MAP2K5: variants seen among roughly 807,000 people sequenced by gnomAD.
The protein encoded by MAP2K5 is dual specificity mitogen-activated protein kinase kinase 5.
In MAP2K5, 49 loss-of-function variants were observed where a neutral mutation model predicts 83.1. The ratio of observed to expected loss-of-function variants is 0.59; its 90% CI spans 0.47 to 0.75. MAP2K5 has a LOEUF of 0.75. MAP2K5 is among the 30% of genes least tolerant of loss of function. The pLI, the probability that MAP2K5 is intolerant of heterozygous loss-of-function variation, is 0.00. For synonymous variants in MAP2K5, 202 were observed against 191.8 expected (o/e 1.05, Z -0.44); for missense variants, 457 against 557.5 (o/e 0.82, Z 1.82).
intron 2 of MAP2K5, among the ~76,000 whole-genome samples, chr15:67,553,636 G>A (rs542685919): frequency 2.0e-5 from 3 of 152,112 alleles, no homozygotes; most frequent in South Asian, 2.1e-4. Context: ...AGTTGAGGCC[G>A]GGCGTGGTGG....
chr15:67,787,170 CT>C (rs1279443225), intron 21 of MAP2K5, among the ~76,000 whole-genome samples: 1 of 152,226 alleles, frequency 6.6e-6, no homozygotes, highest in Non-Finnish European at 1.5e-5. Flanking sequence ...CCGCCTGCCC[CT>C]GGTGGGCCAG....
At chr15:67,628,726 G>A in intron 8 of MAP2K5, 1 of 785,108 alleles carries the variant, frequency 1.3e-6, no homozygotes, top group South Asian at 1.3e-5. Flanking sequence ...AGCAAGAGAT[G>A]GCTAATGCTT....
chr15:67,542,721 TCGCCGCTACCGCCGTCGCCGC>T lies in MAP2K5; in HGVS notation c.-608_-588del, dbSNP rs67999453. Reference sequence around the variant, plus strand: ...CGCCGCCGCCTTCCTCCTCCTCCTCTCGCCGCTACCGCCGTCGCCGCCGCCGCAGCCGCCGCCAGTCCGCGC... The same window carrying T: ...CGCCGCCGCCTTCCTCCTCCTCCTCTCGCCGCAGCCGCCGCCAGTCCGCGC... On this transcript the variant is annotated 5_prime_UTR_variant, in exon 1 of 22. Coordinates refer to ENST00000178640, the MANE Select transcript of MAP2K5 (RefSeq NM_145160.3). The T allele has an allele frequency of 0.22, 33,356 of 154,712 alleles. 4,834 individuals are homozygous for T. The highest frequency in any genetic ancestry group is 0.5 in the East Asian group (2,585 of 5,216). The allele number at this position is 154,712 out of a possible 1,614,324, so 9.6% of individuals were successfully genotyped here. A position where few individuals can be genotyped will look rare whatever the true frequency, so the allele number is the denominator to read the frequency against.
At chr15:67,679,306 T>C (rs765786548) in intron 13 of MAP2K5, among the ~76,000 whole-genome samples, 4 of 152,172 alleles carry the variant, frequency 2.6e-5, no homozygotes, top group Non-Finnish European at 5.9e-5. Flanking sequence ...AAGATACAGT[T>C]TCCTGCGTGA....
intron 19 of MAP2K5, among the ~76,000 whole-genome samples, chr15:67,759,892 T>C (rs2089916908): frequency 6.6e-6 from 1 of 152,244 alleles, no homozygotes; most frequent in African/African-American, 2.4e-5. Flanking sequence ...ACTGAGGCAT[T>C]AGAAACTCAG....
At chr15:67,706,707 AC>A (rs1255860925) in intron 16 of MAP2K5, among the ~76,000 whole-genome samples, 3 of 152,074 alleles carry the variant, frequency 2.0e-5, no homozygotes, top group Non-Finnish European at 4.4e-5. Flanking sequence ...GGGGCTTATT[AC>A]CCCCACACAA....
chr15:67,694,532 A>G (rs2088197177), intron 15 of MAP2K5, among the ~76,000 whole-genome samples: 1 of 152,190 alleles, frequency 6.6e-6, no homozygotes, highest in Non-Finnish European at 1.5e-5. Context: ...TGGCCACCAG[A>G]GAAATACAAA....
chr15:67,625,421 T>A (rs1422654310), intron 8 of MAP2K5, among the ~76,000 whole-genome samples: 1 of 152,224 alleles, frequency 6.6e-6, no homozygotes, highest in Non-Finnish European at 1.5e-5. Flanking sequence ...CTCCATGCAG[T>A]CATTGAATCA....
In MAP2K5 at chr15:67,724,369, C is replaced by T. The variant is rs931523044; in HGVS notation, c.1045-3547C>T. On this transcript the variant is annotated intron_variant, in intron 16 of 21. Transcript: ENST00000178640. This position sits in a 1 kb window ranked among gnomAD's most constrained non-coding sequence, Gnocchi z 4.4. ...TGTTTATTTTGACTTTTGACAGCCTCGTGGAGAACTCGTTCTTTTTTATTT... is the reference window on the plus strand; with the variant it reads ...TGTTTATTTTGACTTTTGACAGCCTTGTGGAGAACTCGTTCTTTTTTATTT... Among the ~76,000 whole-genome samples, 5 of 152,012 alleles carry T rather than the reference C, an allele frequency of 3.3e-5. No individual in the cohort carries two copies. Among genetic ancestry groups the T allele is most frequent in the African/African-American group, 1.2e-4 (5 of 41,374 alleles).
rs1358254242 is a variant in MAP2K5 at position 67,778,315 on chromosome 15, G to A, written c.1242+5563G>A. ...GGTATATGATAAATTGCACATCTGC[G>A]TGGTCCCTTTAAAAATCAGGGTAAC... On this transcript the variant is annotated intron_variant, in intron 21 of 21. Coordinates refer to ENST00000178640, the MANE Select transcript of MAP2K5 (RefSeq NM_145160.3). This position sits in a 1 kb window ranked among gnomAD's most constrained non-coding sequence, Gnocchi z 5.0. 2.6e-5 allele frequency among the ~76,000 whole-genome samples: 4 copies of A among 152,116 alleles called. No individual in the cohort carries two copies. Among genetic ancestry groups the A allele is most frequent in the Non-Finnish European group, 5.9e-5 (4 of 68,024 alleles).
chr15:67,567,008 C>T (rs1361733786), intron 3 of MAP2K5, among the ~76,000 whole-genome samples: 4 of 152,202 alleles, frequency 2.6e-5, no homozygotes, highest in Non-Finnish European at 5.9e-5. Context: ...TGTTGTCACA[C>T]ATTAGTACCA....
Position 67,749,604 on chromosome 15 carries a change from C to G in MAP2K5, c.1134+1003C>G, listed in dbSNP as rs939192924. Reference sequence around the variant, plus strand: ...AAAATAAACACACACACACATATCACAATAATAGTAAGAGTGGGGCTCTAA... The same window carrying G: ...AAAATAAACACACACACACATATCAGAATAATAGTAAGAGTGGGGCTCTAA... On this transcript the variant is annotated intron_variant, in intron 19 of 21. Transcript: ENST00000178640. The surrounding 1 kb of genome is among the most constrained non-coding windows in gnomAD (Gnocchi z 4.6). Among the ~76,000 whole-genome samples the G allele has an allele frequency of 2.6e-5, 4 of 152,026 alleles. No homozygotes were observed. Among genetic ancestry groups the G allele is most frequent in the Admixed American group, 6.5e-5 (1 of 15,272 alleles).
chr15:67,671,027 A>G (rs1191598291), intron 13 of MAP2K5, among the ~76,000 whole-genome samples: 1 of 152,212 alleles, frequency 6.6e-6, no homozygotes, highest in East Asian at 1.9e-4. Context: ...ATTCAGTCCT[A>G]CTGACTGACT....
chr15:67,561,892 T>C lies in MAP2K5; in HGVS notation c.185-1391T>C, dbSNP rs773895001. 1.3e-4 allele frequency among the ~76,000 whole-genome samples: 20 copies of C among 152,172 alleles called. No individual in the cohort carries two copies. The highest frequency in any genetic ancestry group is 2.4e-4 in the Non-Finnish European group (16 of 68,032). On this transcript the variant is annotated intron_variant, in intron 2 of 21. Coordinates refer to ENST00000178640, the MANE Select transcript of MAP2K5 (RefSeq NM_145160.3). This position sits in a 1 kb window ranked among gnomAD's most constrained non-coding sequence, Gnocchi z 4.2. ...ACAGGAGGGAAGACCCACTGACTTG[T>C]GGTAGGGGAAGATCCCTGTGTTGAA... is the stretch of plus-strand genomic sequence containing the variant.
chr15:67,644,878 G>A lies in MAP2K5; in HGVS notation c.586-1353G>A, dbSNP rs954847587. The stretch of plus-strand genomic sequence containing the variant: ...AAAATGTTATTTTTGGCTGGGCATG[G>A]TGGCTTACGCTTGTAATCCCAGAAC... On this transcript the variant is annotated intron_variant, in intron 9 of 21. Coordinates refer to ENST00000178640, the MANE Select transcript of MAP2K5 (RefSeq NM_145160.3). The surrounding 1 kb of genome is among the most constrained non-coding windows in gnomAD (Gnocchi z 4.6). 6.6e-6 allele frequency among the ~76,000 whole-genome samples: 1 copy of A among 152,120 alleles called. No individual in the cohort carries two copies. Among genetic ancestry groups the A allele is most frequent in the Non-Finnish European group, 1.5e-5 (1 of 68,018 alleles).
At chr15:67,699,396 A>T (rs1029187140) in intron 15 of MAP2K5, among the ~76,000 whole-genome samples, 1 of 152,224 alleles carries the variant, frequency 6.6e-6, no homozygotes, top group Non-Finnish European at 1.5e-5. Flanking sequence ...TCAGTGTAAG[A>T]GTAAACTAGA....
rs1356360692 is a variant in MAP2K5 at position 67,559,698 on chromosome 15, T to A, written c.185-3585T>A. Among the ~76,000 whole-genome samples, 1 of 152,202 alleles carries A rather than the reference T, an allele frequency of 6.6e-6. No homozygotes were observed. The highest frequency in any genetic ancestry group is 1.5e-5 in the Non-Finnish European group (1 of 68,032). Reference sequence around the variant, plus strand: ...TACATAGGCTTTCTGGTTCTACTTTTGCTTCCCTAATGTGCTGGAAAATCA... The same window carrying A: ...TACATAGGCTTTCTGGTTCTACTTTAGCTTCCCTAATGTGCTGGAAAATCA... On this transcript the variant is annotated intron_variant, in intron 2 of 21. Coordinates refer to ENST00000178640, the MANE Select transcript of MAP2K5 (RefSeq NM_145160.3). The surrounding 1 kb of genome is among the most constrained non-coding windows in gnomAD (Gnocchi z 4.7).
chr15:67,606,726 T>C (rs1596638975), intron 8 of MAP2K5, among the ~76,000 whole-genome samples: 2 of 152,234 alleles, frequency 1.3e-5, no homozygotes, highest in African/African-American at 2.4e-5. Flanking sequence ...TCATATTAGC[T>C]CATTATAGTA....
chr15:67,794,185 C>A lies in MAP2K5; in HGVS notation c.1243-12461C>A, dbSNP rs1280827785. Among the ~76,000 whole-genome samples the A allele has an allele frequency of 6.6e-6, 1 of 152,200 alleles. No homozygotes were observed. The highest frequency in any genetic ancestry group is 2.4e-5 in the African/African-American group (1 of 41,436). On this transcript the variant is annotated intron_variant, in intron 21 of 21. Coordinates refer to ENST00000178640, the MANE Select transcript of MAP2K5 (RefSeq NM_145160.3). This position sits in a 1 kb window ranked among gnomAD's most constrained non-coding sequence, Gnocchi z 4.6. ...AAATGCAGGTCACACCAGTCACCAC[C>A]ATCAAAAACGCATTTCAGGCTTCTG...
Sources: allele counts gnomAD v4.1 joint callset (sites outside exome capture counted in the v4.1 genomes callset), GRCh38; gene constraint gnomAD v4.1.1; non-coding constraint Gnocchi (gnomAD v3.1); transcripts MANE v1.5; gene names NCBI Gene and HGNC (gene_info 2026-07-23, HGNC 2026-07-21).